Variants in NLRC4 observed in about 807,000 individuals in gnomAD.
NLRC4 encodes the protein NLR family CARD domain-containing protein 4.
In NLRC4, 63 loss-of-function variants were observed where a neutral mutation model predicts 79.9. The observed-to-expected ratio is 0.79, with a 90% CI of 0.64 to 0.97. NLRC4 has a LOEUF of 0.97. Ranked by LOEUF, NLRC4 falls within the 50% of genes least tolerant of loss-of-function variation. The pLI is 0.00. For synonymous variants in NLRC4, 461 were observed against 456.5 expected (o/e 1.01, Z -0.12); for missense variants, 1,074 against 1,215.2 (o/e 0.88, Z 1.73).
intron 4 of NLRC4, among the ~76,000 whole-genome samples, chr2:32,247,147 T>C (rs950082810): frequency 6.6e-6 from 1 of 152,116 alleles, no homozygotes; most frequent in Non-Finnish European, 1.5e-5. Context: ...AATTAGCTCC[T>C]AGCTCCTGCA....
At position 32,252,934 on chromosome 2, in the gene NLRC4, C is replaced by T. The variant is rs185734864; in HGVS notation, c.2-255G>A. Among the ~76,000 whole-genome samples, 75 of 151,862 alleles carry T rather than the reference C, an allele frequency of 4.9e-4. 1 individual carries two copies. The East Asian group carries it at 0.013, about 26-fold the overall frequency. ...TTGGGAGGCTGAGGCAGGAGAATGG[C>T]GTGAACCCAGGAGGCGGAGCTTGCA... On this transcript the variant is annotated intron_variant, in intron 2 of 8. Coordinates refer to ENST00000402280, the MANE Select transcript of NLRC4 (RefSeq NM_001199138.2).
chr2:32,247,745 C>G (rs1320940746), intron 4 of NLRC4, among the ~76,000 whole-genome samples: 1 of 152,054 alleles, frequency 6.6e-6, no homozygotes, highest in Non-Finnish European at 1.5e-5. Context: ...TAACAGCTTT[C>G]CCCCAACATA....
chr2:32,262,335 G>A (rs1225229555), intron 1 of NLRC4, among the ~76,000 whole-genome samples: 1 of 152,090 alleles, frequency 6.6e-6, no homozygotes, highest in Non-Finnish European at 1.5e-5. Flanking sequence ...TCCCTGACTG[G>A]GTCAAAGTTT....
At chr2:32,243,222 A>C (rs1450103068) in intron 4 of NLRC4, among the ~76,000 whole-genome samples, 4 of 151,834 alleles carry the variant, frequency 2.6e-5, no homozygotes, top group Admixed American at 1.3e-4. Flanking sequence ...CAGCCTGGCC[A>C]ACATGGTGAA....
intron 6 of NLRC4, among the ~76,000 whole-genome samples, chr2:32,237,076 A>G (rs1235390940): frequency 2.0e-5 from 3 of 152,190 alleles, no homozygotes; most frequent in East Asian, 3.8e-4. Flanking sequence ...ACTATTTTGC[A>G]TGCAAACATT....
In NLRC4 at chr2:32,261,172, G is replaced by T. The variant is rs1013442173; in HGVS notation, c.-119+3566C>A. Among the ~76,000 whole-genome samples the T allele has an allele frequency of 7.3e-5, 11 of 150,114 alleles. No individual in the cohort carries two copies. The East Asian group carries it at 2.2e-3, about 30-fold the overall frequency. On this transcript the variant is annotated intron_variant, in intron 1 of 8. Transcript: ENST00000402280. Reference sequence around the variant, plus strand: ...CGCAGCACTGCACTCCAGCCTGGGCGACAGAGCGAGACTCCATCTGAAAAC... The same window carrying T: ...CGCAGCACTGCACTCCAGCCTGGGCTACAGAGCGAGACTCCATCTGAAAAC...
chr2:32,261,997 C>G (rs1687363010), intron 1 of NLRC4, among the ~76,000 whole-genome samples: 1 of 152,086 alleles, frequency 6.6e-6, no homozygotes, highest in South Asian at 2.1e-4. Flanking sequence ...AGGAGAATCA[C>G]TTGAACCAGG....
chr2:32,225,307 C>T (rs1397393834), intron 8 of NLRC4, among the ~76,000 whole-genome samples: 1 of 152,028 alleles, frequency 6.6e-6, no homozygotes, highest in Non-Finnish European at 1.5e-5. Flanking sequence ...TCCTCCATTC[C>T]TTACAGAATA....
chr2:32,260,307 C>T (rs192956923), intron 1 of NLRC4, among the ~76,000 whole-genome samples: 3 of 149,544 alleles, frequency 2.0e-5, no homozygotes, highest in African/African-American at 7.4e-5. Flanking sequence ...CAGATTGGGG[C>T]TATCATAAAT....
intron 8 of NLRC4, among the ~76,000 whole-genome samples, chr2:32,229,055 CTT>C (rs1171068340): frequency 2.0e-5 from 3 of 151,988 alleles, no homozygotes; most frequent in African/African-American, 7.2e-5. Context: ...CATGAGCTCT[CTT>C]TGAGAACAGG....
rs183190749 is a variant in NLRC4, at chr2:32,251,111, A to G, written c.753T>C (p.Asn251=). ...QRVLFLLDGY[N]EFKPQNCPEI... Reference sequence around the variant, plus strand: ...CTGGGCAGTTCTGGGGCTTGAATTCATTGTAGCCATCAAGAAGGAAAAGAA... The same window carrying G: ...CTGGGCAGTTCTGGGGCTTGAATTCGTTGTAGCCATCAAGAAGGAAAAGAA... The change falls in exon 4 of 9, where the codon AAT becomes AAC. Residue 251 remains asparagine, a synonymous_variant. Transcript: ENST00000402280. 12 of 1,614,126 alleles carry G rather than the reference A, an allele frequency of 7.4e-6. No individual in the cohort carries two copies. In the Admixed American group the frequency reaches 1.7e-4, roughly 22 times the overall value.
At position 32,252,656 on chromosome 2, in the gene NLRC4, G is replaced by A. The variant is rs745682233; in HGVS notation, c.25C>T (p.Arg9Ter). The A allele has an allele frequency of 4.3e-6, 7 of 1,613,030 alleles. No individual in the cohort carries two copies. The highest frequency in any genetic ancestry group is 4.0e-5 in the African/African-American group (3 of 74,878). MNFIKDNS[R>*]ALIQRMGMTV... ...ATTCCCATTCTTTGAATAAGGGCTC[G>A]GCTATTGTCCTTTATGAAATTCACT... The change falls in exon 3 of 9, where the codon CGA (arginine) becomes TGA (stop). Residue 9 changes from arginine to a stop codon, truncating the protein, a stop_gained. Coordinates refer to ENST00000402280, the MANE Select transcript of NLRC4 (RefSeq NM_001199138.2). LOFTEE classifies it high-confidence loss of function.
intron 4 of NLRC4, among the ~76,000 whole-genome samples, chr2:32,246,520 T>C (rs910603563): frequency 3.9e-5 from 6 of 152,206 alleles, no homozygotes; most frequent in Non-Finnish European, 8.8e-5. Flanking sequence ...TGCTAGCGTT[T>C]GAAAACTAAC....
chr2:32,233,318 TAA>T (rs1686591369), intron 8 of NLRC4, among the ~76,000 whole-genome samples: 1 of 94,808 alleles, frequency 1.1e-5, no homozygotes, highest in South Asian at 3.3e-4. Flanking sequence ...TAAGAAATTT[TAA>T]ATATATATAT....
chr2:32,256,966 G>A (rs747008509), intron 1 of NLRC4, 73 bp from the exon 2 acceptor site: 24 of 523,430 alleles, frequency 4.6e-5, no homozygotes, highest in Non-Finnish European at 6.5e-5. Flanking sequence ...GTAATGCCCC[G>A]CTTTTCATAG....
intron 1 of NLRC4, among the ~76,000 whole-genome samples, chr2:32,262,152 T>A (rs1365565821): frequency 6.6e-6 from 1 of 152,002 alleles, no homozygotes; most frequent in African/African-American, 2.4e-5. Context: ...AAGGGCACAT[T>A]TTGGTGTCAG....
intron 8 of NLRC4, among the ~76,000 whole-genome samples, chr2:32,232,272 G>T (rs989584768): frequency 3.3e-5 from 5 of 152,130 alleles, no homozygotes; most frequent in Non-Finnish European, 5.9e-5. Flanking sequence ...TACAAGTTTT[G>T]ATATACAGCG....
intron 5 of NLRC4, 91 bp downstream of exon 5, chr2:32,240,942 C>T (rs1686785369): frequency 5.2e-6 from 4 of 772,528 alleles, no homozygotes; most frequent in South Asian, 1.5e-5. Flanking sequence ...ACATCCTTGC[C>T]TTGTGCAGAC....
intron 4 of NLRC4, among the ~76,000 whole-genome samples, chr2:32,242,666 C>T (rs568824354): frequency 1.7e-4 from 26 of 152,224 alleles, no homozygotes; most frequent in Non-Finnish European, 3.5e-4. Flanking sequence ...CAGTCACTTC[C>T]AGAAAATAGA....
Sources: allele counts gnomAD v4.1 joint callset (sites outside exome capture counted in the v4.1 genomes callset), GRCh38; gene constraint gnomAD v4.1.1; transcripts MANE v1.5; gene names NCBI Gene and HGNC (gene_info 2026-07-23, HGNC 2026-07-21).